AKR1B15: variants seen among roughly 807,000 people sequenced by gnomAD.
The protein encoded by AKR1B15 is estradiol 17-beta-dehydrogenase AKR1B15.
Under a neutral mutation model 38.5 loss-of-function variants are expected in AKR1B15, and 49 were observed. The observed-to-expected ratio is 1.27, with a 90% CI of 1.01 to 1.62. The LOEUF is 1.62. Among genes scored for constraint, AKR1B15 ranks in the 40% most tolerant of loss-of-function variants. The pLI, the probability that AKR1B15 is intolerant of heterozygous loss-of-function variation, is 0.00. For missense variants in AKR1B15, 411 were observed against 381.6 expected (o/e 1.08, Z -0.64); for synonymous variants, 137 against 135.5 (o/e 1.01, Z -0.08).
Position 134,579,658 on chromosome 7 carries a change from C to A in AKR1B15, c.*109C>A. 1.9e-6 allele frequency: 2 copies of A among 1,046,498 alleles called. No individual in the cohort carries two copies. Among genetic ancestry groups the A allele is most frequent in the Non-Finnish European group, 2.7e-6 (2 of 728,662 alleles). The allele number at this position is 1,046,498 out of a possible 1,614,324, so 64.8% of individuals were successfully genotyped here. A position where few individuals can be genotyped will look rare whatever the true frequency, so the allele number is the denominator to read the frequency against. ...CAAGCTTATCTGAGATCACAGTGAA[C>A]TTTGTCCTGTTGTAGACCAGAATGG... On this transcript the variant is annotated 3_prime_UTR_variant, in exon 12 of 12. Transcript: ENST00000457545.
rs1202865928 is a variant in AKR1B15, at chr7:134,577,806, C to A, written c.992+20C>A. 3 of 1,612,490 alleles carry A rather than the reference C, an allele frequency of 1.9e-6. No individual in the cohort carries two copies. Among genetic ancestry groups the A allele is most frequent in the Non-Finnish European group, 2.5e-6 (3 of 1,179,184 alleles). On this transcript the variant is annotated intron_variant, in intron 11 of 11. Transcript: ENST00000457545. ...CAAGGAGTAAGTGGCATGGAGTTAA[C>A]TAGAAGAATTGCCAGGAGTTTTTCT...
At chr7:134,571,790 T>A in intron 6 of AKR1B15, 109 bp downstream of exon 6, 1 of 876,034 alleles carries the variant, frequency 1.1e-6, no homozygotes, top group Non-Finnish European at 1.8e-6. Context: ...AATTTCATCA[T>A]TGTGATTCTC....
At chr7:134,575,319 G>C in intron 6 of AKR1B15, 101 bp from the exon 7 acceptor site, 6 of 1,507,410 alleles carry the variant, frequency 4.0e-6, no homozygotes, top group Non-Finnish European at 5.3e-6. Flanking sequence ...ACTCTGTTGC[G>C]GTGGATCCTT....
At chr7:134,559,068 C>G (rs983173455) in intron 2 of AKR1B15, among the ~76,000 whole-genome samples, 2 of 152,176 alleles carry the variant, frequency 1.3e-5, no homozygotes, top group Non-Finnish European at 2.9e-5. Flanking sequence ...ACAGCCCACC[C>G]CCACCAAATT....
At chr7:134,555,820 G>T (rs947626322) in intron 1 of AKR1B15, among the ~76,000 whole-genome samples, 5 of 152,278 alleles carry the variant, frequency 3.3e-5, no homozygotes, top group Admixed American at 1.3e-4. Flanking sequence ...GCTCCAGAGC[G>T]TTGACTTTTA....
intron 6 of AKR1B15, among the ~76,000 whole-genome samples, chr7:134,575,138 A>T (rs1794736209): frequency 6.6e-6 from 1 of 152,186 alleles, no homozygotes; most frequent in East Asian, 1.9e-4. Flanking sequence ...GGTGTATGGA[A>T]CTATAATTTT....
At chr7:134,562,832 C>CTCTTTTTCTT (rs1794436667) in intron 2 of AKR1B15, among the ~76,000 whole-genome samples, 1 of 122,600 alleles carries the variant, frequency 8.2e-6, no homozygotes, top group East Asian at 2.6e-4. Flanking sequence ...TCCTTCCTTT[C>CTCTTTTTCTT]TCTTTCTTTC....
chr7:134,558,959 A>G (rs1794297340), intron 2 of AKR1B15, among the ~76,000 whole-genome samples: 1 of 152,062 alleles, frequency 6.6e-6, no homozygotes, highest in African/African-American at 2.4e-5. Flanking sequence ...TAGTGCTCCT[A>G]TGTACTGAGA....
chr7:134,555,206 C>G (rs1794149794), intron 1 of AKR1B15, among the ~76,000 whole-genome samples: 1 of 152,166 alleles, frequency 6.6e-6, no homozygotes, highest in African/African-American at 2.4e-5. Context: ...CATCATCCAG[C>G]TGCTTGTCAG....
chr7:134,558,381 T>G (rs1794274891), intron 2 of AKR1B15, among the ~76,000 whole-genome samples: 1 of 152,216 alleles, frequency 6.6e-6, no homozygotes, highest in Non-Finnish European at 1.5e-5. Context: ...CATTCTCACG[T>G]GCAACCTCCA....
chr7:134,567,896 A>G (rs1794575231), intron 3 of AKR1B15, among the ~76,000 whole-genome samples: 1 of 152,162 alleles, frequency 6.6e-6, no homozygotes, highest in Admixed American at 6.5e-5. Context: ...ACTTTTCTAA[A>G]CTGTGTATCC....
In AKR1B15 at chr7:134,579,480, T is replaced by TG. The variant is rs201815771; in HGVS notation, c.993-27_993-26insG. On this transcript the variant is annotated intron_variant, in intron 11 of 11. Coordinates refer to ENST00000457545, the MANE Select transcript of AKR1B15 (RefSeq NM_001080538.3). The stretch of plus-strand genomic sequence containing the variant: ...GTTGTTGCTTTGATGGAACACAGTT[T>TG]CTTTTTTTTTTTCTCTCTCTCTGTA... 13,324 of 1,463,200 alleles carry TG rather than the reference T, an allele frequency of 9.1e-3. 31 individuals are homozygous for TG. The highest frequency in any genetic ancestry group is 0.011 in the Non-Finnish European group (11,956 of 1,081,192). 90.6% of individuals were successfully genotyped at this position (1,463,200 alleles called of 1,614,324 possible).
intron 6 of AKR1B15, among the ~76,000 whole-genome samples, chr7:134,574,903 T>C (rs1326667666): frequency 1.3e-5 from 2 of 152,184 alleles, no homozygotes; most frequent in Non-Finnish European, 2.9e-5. Flanking sequence ...AACCAAGCCA[T>C]GGTTGGTGTG....
rs574679653 is a variant in AKR1B15, at chr7:134,552,242, T to G, written c.-147+2993T>G. Among the ~76,000 whole-genome samples, 6 of 152,258 alleles carry G rather than the reference T, an allele frequency of 3.9e-5. No individual in the cohort carries two copies. The South Asian group carries it at 1.0e-3, about 26-fold the overall frequency. On this transcript the variant is annotated intron_variant, in intron 1 of 11. Coordinates refer to ENST00000457545, the MANE Select transcript of AKR1B15 (RefSeq NM_001080538.3). ...TTCTCGGCCCAACAAACTCACCTCA[T>G]GTTAGGGGACACAATGCCCCCTACT...
At chr7:134,562,891 C>CTTTCTTTCT (rs1562947138) in intron 2 of AKR1B15, among the ~76,000 whole-genome samples, 1 of 61,080 alleles carries the variant, frequency 1.6e-5, no homozygotes, top group Admixed American at 2.4e-4. Context: ...TCTTTCTTTC[C>CTTTCTTTCT]TTCTTTCTTC....
At position 134,575,557 on chromosome 7, in the gene AKR1B15, G is replaced by C; in HGVS notation, c.636+15G>C. The C allele has an allele frequency of 6.2e-7, 1 of 1,613,666 alleles. No individual in the cohort carries two copies. The highest frequency in any genetic ancestry group is 8.5e-7 in the Non-Finnish European group (1 of 1,179,710). On this transcript the variant is annotated intron_variant, in intron 7 of 11. Transcript: ENST00000457545. The stretch of plus-strand genomic sequence containing the variant: ...TGACTAACCAGGTAAATTCTATTCA[G>C]TTTAAGGGTAAGGGTCCTGCCCTAT...
chr7:134,567,254 G>A (rs1302134772), intron 3 of AKR1B15, among the ~76,000 whole-genome samples: 2 of 151,932 alleles, frequency 1.3e-5, no homozygotes. Flanking sequence ...AGTGCTTTTT[G>A]CCCCCATCAT....
At chr7:134,554,080 G>C (rs972933909) in intron 1 of AKR1B15, among the ~76,000 whole-genome samples, 1 of 152,212 alleles carries the variant, frequency 6.6e-6, no homozygotes, top group Admixed American at 6.5e-5. Context: ...TATCAAGAGC[G>C]AGGGCTACTC....
At chr7:134,565,369 G>T in intron 3 of AKR1B15, 2 of 1,552,510 alleles carry the variant, frequency 1.3e-6, no homozygotes, top group East Asian at 2.3e-5. Flanking sequence ...GAAGGTCCAC[G>T]GCTTCATTCT....
Sources: gnomAD v4.1 joint callset for allele counts (sites outside exome capture counted in the v4.1 genomes callset) on GRCh38, gnomAD v4.1.1 for gene constraint, MANE v1.5 for transcripts, NCBI Gene and HGNC (gene_info 2026-07-23, HGNC 2026-07-21) for gene names.